KIF5A: variants seen among roughly 807,000 people sequenced by gnomAD.
KIF5A encodes the protein kinesin heavy chain isoform 5A.
Under a neutral mutation model 141.3 loss-of-function variants are expected in KIF5A, and 35 were observed. The observed-to-expected ratio is 0.25, with a 90% confidence interval of 0.19 to 0.33. KIF5A has a LOEUF of 0.33. Among genes scored for constraint, KIF5A ranks in the 10% least tolerant of loss-of-function variants. The pLI is 1.00. For missense variants in KIF5A, 861 were observed against 1,314.3 expected (o/e 0.66, Z 5.33); for synonymous variants, 448 against 500.2 (o/e 0.90, Z 1.39).
In KIF5A at chr12:57,583,199, C is replaced by T; in HGVS notation, c.*20C>T. The T allele has an allele frequency of 6.2e-7, 1 of 1,608,198 alleles. No individual in the cohort carries two copies. The highest frequency in any genetic ancestry group is 8.5e-7 in the Non-Finnish European group (1 of 1,175,696). ...AGCTAATCTCCCACACCCACGGCTG[C>T]ATACCTGCACTTTCAGGTAGCGTCA... is the stretch of plus-strand genomic sequence containing the variant. On this transcript the variant is annotated 3_prime_UTR_variant, in exon 28 of 29. Coordinates refer to ENST00000455537, the MANE Select transcript of KIF5A (RefSeq NM_004984.4).
rs1306806664 is a variant in KIF5A at position 57,550,517 on chromosome 12, C to T, written c.129+117C>T. 4 of 1,109,730 alleles carry T rather than the reference C, an allele frequency of 3.6e-6. No homozygotes were observed. The Admixed American group carries it at 8.0e-5, about 22-fold the overall frequency. The allele number at this position is 1,109,730 out of a possible 1,614,324, so 68.7% of individuals were successfully genotyped here. On this transcript the variant is annotated intron_variant, in intron 1 of 28. Coordinates refer to ENST00000455537, the MANE Select transcript of KIF5A (RefSeq NM_004984.4). The surrounding 1 kb of genome is among the most constrained non-coding windows in gnomAD (Gnocchi z 4.6). ...CTCCCCCTCCCCGCCGCTCATCCTT[C>T]ATCCTCTTCCCCGCAGCCCCTCCTC...
At chr12:57,582,765 T>A in intron 27 of KIF5A, 136 bp downstream of exon 27, 1 of 792,940 alleles carries the variant, frequency 1.3e-6, no homozygotes, top group African/African-American at 1.7e-5. Context: ...TTTTCATCAC[T>A]GTGTTGTCCA....
At chr12:57,576,026 C>T (rs1046938272) in intron 17 of KIF5A, 61 bp from the exon 18 acceptor site, 8 of 1,523,924 alleles carry the variant, frequency 5.2e-6, no homozygotes, top group Middle Eastern at 1.7e-4. Flanking sequence ...CTGGTCACAA[C>T]GTGAAGTTCT....
At position 57,572,802 on chromosome 12, in the gene KIF5A, A is replaced by T; in HGVS notation, c.1716+76A>T. The T allele has an allele frequency of 1.9e-6, 3 of 1,548,300 alleles. No homozygotes were observed. The highest frequency in any genetic ancestry group is 2.7e-6 in the Non-Finnish European group (3 of 1,120,442). On this transcript the variant is annotated intron_variant, in intron 15 of 28. Transcript: ENST00000455537. This position sits in a 1 kb window ranked among gnomAD's most constrained non-coding sequence, Gnocchi z 4.2. ...CGCAAGATGAGCCATCCAGGCCTTCACAGATACTGAGAAAGGCAGCCAGAG... is the reference window on the plus strand; with the variant it reads ...CGCAAGATGAGCCATCCAGGCCTTCTCAGATACTGAGAAAGGCAGCCAGAG...
chr12:57,570,959 ATTTT>A (rs58715013), intron 12 of KIF5A, among the ~76,000 whole-genome samples: 13 of 129,322 alleles, frequency 1.0e-4, no homozygotes, highest in Non-Finnish European at 9.7e-5. Context: ...CGCCCAGCTA[ATTTT>A]TTTTTTTTTT....
In KIF5A at chr12:57,563,447, A is replaced by G. The variant is rs2140158738; in HGVS notation, c.138A>G (p.Pro46=). The stretch of plus-strand genomic sequence containing the variant: ...TTTTATTTTCATTCCAGGGGAAGCC[A>G]TATGTTTTTGACCGTGTATTCCCCC... ...GDDSVVIGGK[P]YVFDRVFPPN... Residue 46 remains proline, a synonymous_variant, in exon 2 of 29, where the codon CCA becomes CCG. Transcript: ENST00000455537. The G allele has an allele frequency of 3.1e-6, 5 of 1,611,456 alleles. No individual in the cohort carries two copies. The highest frequency in any genetic ancestry group is 4.2e-6 in the Non-Finnish European group (5 of 1,177,640).
At chr12:57,577,403 T>C (rs1425158273) in intron 20 of KIF5A, among the ~76,000 whole-genome samples, 2 of 152,166 alleles carry the variant, frequency 1.3e-5, no homozygotes, top group Non-Finnish European at 2.9e-5. Context: ...GAGACCAGCC[T>C]GGGCAACATG....
chr12:57,576,402 C>G, intron 19 of KIF5A, 24 bp downstream of exon 19: 1 of 1,573,384 alleles, frequency 6.4e-7, no homozygotes, highest in East Asian at 2.2e-5. Flanking sequence ...AGGGCGACTC[C>G]AGCCCCTCCC....
intron 12 of KIF5A, 105 bp from the exon 13 acceptor site, chr12:57,571,216 C>A: frequency 1.3e-6 from 1 of 773,034 alleles, no homozygotes; most frequent in Non-Finnish European, 2.3e-6. Context: ...AAAGCTTATA[C>A]TATCTGGATT....
intron 15 of KIF5A, 116 bp from the exon 16 acceptor site, chr12:57,574,968 C>G (rs2140167278): frequency 1.1e-6 from 1 of 871,250 alleles, no homozygotes; most frequent in Non-Finnish European, 1.9e-6. Context: ...TGGAAAATAC[C>G]CATCCCATTT....
intron 3 of KIF5A, 61 bp from the exon 4 acceptor site, chr12:57,564,047 A>G: frequency 8.4e-7 from 1 of 1,195,134 alleles, no homozygotes; most frequent in Admixed American, 1.7e-5. Context: ...ACCTGCATAC[A>G]TCTGAGTTGT....
In KIF5A at chr12:57,576,107, C is replaced by T; in HGVS notation, c.2044C>T (p.Leu682=). The change falls in exon 18 of 29, where the codon CTG becomes TTG. Residue 682 remains leucine (L), a synonymous_variant. Transcript: ENST00000455537. ...QAQETVHEVA[L]KDKEPDTQDA... ...CTTAGAAACTGTGCATGAAGTGGCC[C>T]TGAAGGACAAGGAGCCTGACACTCA... 1 of 1,614,144 alleles carries T rather than the reference C, an allele frequency of 6.2e-7. No homozygotes were observed. Among genetic ancestry groups the T allele is most frequent in the Non-Finnish European group, 8.5e-7 (1 of 1,180,018 alleles).
intron 1 of KIF5A, among the ~76,000 whole-genome samples, chr12:57,557,529 TTAA>T (rs1881782367): frequency 6.6e-6 from 1 of 152,124 alleles, no homozygotes; most frequent in Non-Finnish European, 1.5e-5. Context: ...AGCACTGTTA[TTAA>T]TAATAATTTG....
intron 5 of KIF5A, 134 bp downstream of exon 5, chr12:57,564,642 T>A (rs1882008614): frequency 3.5e-6 from 3 of 856,768 alleles, no homozygotes; most frequent in Non-Finnish European, 5.9e-6. Flanking sequence ...TTGGCCCCGT[T>A]TACCAGAATT....
intron 6 of KIF5A, among the ~76,000 whole-genome samples, chr12:57,565,576 T>C (rs1882039164): frequency 6.6e-6 from 1 of 151,484 alleles, no homozygotes; most frequent in African/African-American, 2.4e-5. Flanking sequence ...GAGTTCAAGA[T>C]CAGCCTGGCC....
At chr12:57,576,670 T>G in intron 19 of KIF5A, 91 bp from the exon 20 acceptor site, 1 of 965,538 alleles carries the variant, frequency 1.0e-6, no homozygotes. Context: ...ACTCACTCGT[T>G]CAAAAAGGAA....
chr12:57,551,779 T>A (rs1233486820), intron 1 of KIF5A, among the ~76,000 whole-genome samples: 1 of 151,986 alleles, frequency 6.6e-6, no homozygotes, highest in African/African-American at 2.4e-5. Context: ...ATAAACATGC[T>A]TCGGGGGAGA....
rs2140158848 is a variant in KIF5A, at chr12:57,563,635, A to G, written c.233A>G (p.Tyr78Cys). 6.2e-7 allele frequency: 1 copy of G among 1,614,154 alleles called. No individual in the cohort carries two copies. The highest frequency in any genetic ancestry group is 8.5e-7 in the Non-Finnish European group (1 of 1,179,998). The stretch of plus-strand genomic sequence containing the variant: ...TCTCTTCCAGATGTCCTTGCTGGCT[A>G]CAATGGCACCATTTTTGCTTATGGA... ...MQIVKDVLAG[Y>C]NGTIFAYGQT... The change falls in exon 3 of 29, where the codon TAC becomes TGC. Residue 78 changes from tyrosine to cysteine, a missense_variant. Tyr to Cys is a radical substitution (Grantham distance 194, BLOSUM62 -2). This residue lies in a region of KIF5A where 146 missense variants were observed against 353.4 expected (regional missense o/e 0.41). Transcript: ENST00000455537.
At chr12:57,563,782 A>G in intron 3 of KIF5A, 89 bp downstream of exon 3, 1 of 1,238,984 alleles carries the variant, frequency 8.1e-7, no homozygotes, top group Non-Finnish European at 1.2e-6. Context: ...GGAATCAAGG[A>G]TTGCCTGGTC....
Sources: allele counts gnomAD v4.1 joint callset (sites outside exome capture counted in the v4.1 genomes callset), GRCh38; gene constraint gnomAD v4.1.1; regional missense constraint gnomAD v4.1.1; non-coding constraint Gnocchi (gnomAD v3.1); transcripts MANE v1.5; gene names NCBI Gene and HGNC (gene_info 2026-07-23, HGNC 2026-07-21).